MCOLN1: variants seen among roughly 807,000 people sequenced by gnomAD.
MCOLN1 encodes mucolipin TRP cation channel 1.
MCOLN1 carries 50 observed loss-of-function variants against 70.3 expected under a neutral mutation model. The observed-to-expected ratio is 0.71, with a 90% CI of 0.57 to 0.90. The LOEUF is 0.90. Ranked by LOEUF, MCOLN1 falls within the 40% of genes least tolerant of loss-of-function variation. MCOLN1 has a pLI of 0.00. For synonymous variants in MCOLN1, 366 were observed against 341.0 expected (o/e 1.07, Z -0.81); for missense variants, 598 against 803.5 (o/e 0.74, Z 3.09).
In MCOLN1 at chr19:7,525,381, C is replaced by T; in HGVS notation, c.237+215C>T. On this transcript the variant is annotated intron_variant, in intron 2 of 13. Transcript: ENST00000264079. The surrounding 1 kb of genome is among the most constrained non-coding windows in gnomAD (Gnocchi z 4.2). Reference sequence around the variant, plus strand: ...TGGTGGCGGGTGCCTGTAATCCCAGCTACTTGGCAGGCTGAGGCAGGAGAA... The same window carrying T: ...TGGTGGCGGGTGCCTGTAATCCCAGTTACTTGGCAGGCTGAGGCAGGAGAA... 2 of 516,940 alleles carry T rather than the reference C, an allele frequency of 3.9e-6. No homozygotes were observed. The highest frequency in any genetic ancestry group is 3.6e-6 in the Non-Finnish European group (1 of 281,252). 32.0% of individuals were successfully genotyped at this position (516,940 alleles called of 1,614,324 possible).
In MCOLN1 at chr19:7,528,456, C is replaced by T; in HGVS notation, c.878-141C>T. 1.7e-6 allele frequency: 2 copies of T among 1,148,570 alleles called. No individual in the cohort carries two copies. The highest frequency in any genetic ancestry group is 2.5e-6 in the Non-Finnish European group (2 of 795,176). 71.1% of individuals were successfully genotyped at this position (1,148,570 alleles called of 1,614,324 possible). ...CCAGCACTGACCGGGGTTCTTGACTCACCCCAAGCAAGCCCTGAGCCCACT... is the reference window on the plus strand; with the variant it reads ...CCAGCACTGACCGGGGTTCTTGACTTACCCCAAGCAAGCCCTGAGCCCACT... On this transcript the variant is annotated intron_variant, in intron 7 of 13. Coordinates refer to ENST00000264079, the MANE Select transcript of MCOLN1 (RefSeq NM_020533.3). This position sits in a 1 kb window ranked among gnomAD's most constrained non-coding sequence, Gnocchi z 4.2.
chr19:7,527,735 G>T (rs770838672), intron 5 of MCOLN1, 107 bp downstream of exon 5: 10 of 1,080,178 alleles, frequency 9.3e-6, no homozygotes, highest in Admixed American at 6.8e-5. Flanking sequence ...CCCCCCGCCC[G>T]CGCTGGTGCC....
Position 7,524,617 on chromosome 19 carries a change from A to G in MCOLN1, c.32-344A>G, listed in dbSNP as rs574152253. Among the ~76,000 whole-genome samples, 5 of 152,298 alleles carry G rather than the reference A, an allele frequency of 3.3e-5. No homozygotes were observed. In the South Asian group the frequency reaches 1.0e-3, roughly 32 times the overall value. On this transcript the variant is annotated intron_variant, in intron 1 of 13. Transcript: ENST00000264079. The surrounding 1 kb of genome is among the most constrained non-coding windows in gnomAD (Gnocchi z 4.1). The stretch of plus-strand genomic sequence containing the variant: ...CATTCACCATGGACCAGCCCCTGTG[A>G]TCAATGCTTCATAAGCATCCAGTCC...
chr19:7,529,581 C>G lies in MCOLN1; in HGVS notation c.1237-9C>G, dbSNP rs1312126462. 6 of 1,613,102 alleles carry G rather than the reference C, an allele frequency of 3.7e-6. No homozygotes were observed. Among genetic ancestry groups the G allele is most frequent in the South Asian group, 3.3e-5 (3 of 91,000 alleles). On this transcript the variant is annotated splice_polypyrimidine_tract_variant and intron_variant, in intron 10 of 13. Transcript: ENST00000264079. ...CACCCTCAACGAGGCTCCCTCTGCC[C>G]CAACCCAGATCCTCATCGCCACACT...
Position 7,526,681 on chromosome 19 carries a change from G to A in MCOLN1, c.405+75G>A. The A allele has an allele frequency of 1.2e-6, 2 of 1,600,560 alleles. No individual in the cohort carries two copies. The highest frequency in any genetic ancestry group is 1.7e-6 in the Non-Finnish European group (2 of 1,178,452). ...GGCAGGTGCAGTTGGGCGGGCAGGTGCTGGTGGGCGGGCAGGTGCAGGTGG... is the reference window on the plus strand; with the variant it reads ...GGCAGGTGCAGTTGGGCGGGCAGGTACTGGTGGGCGGGCAGGTGCAGGTGG... On this transcript the variant is annotated intron_variant, in intron 3 of 13. Transcript: ENST00000264079. The surrounding 1 kb of genome is among the most constrained non-coding windows in gnomAD (Gnocchi z 4.6).
chr19:7,527,991 T>C, intron 6 of MCOLN1, 31 bp downstream of exon 6: 1 of 1,587,190 alleles, frequency 6.3e-7, no homozygotes, highest in Non-Finnish European at 8.7e-7. Flanking sequence ...ACAGGGCTCC[T>C]GAGTTCCAGG....
At chr19:7,532,361 T>G (rs1280893624) in intron 12 of MCOLN1, among the ~76,000 whole-genome samples, 1 of 152,160 alleles carries the variant, frequency 6.6e-6, no homozygotes, top group Non-Finnish European at 1.5e-5. Flanking sequence ...GGAGAGCTTC[T>G]AGAATGTTCT....
At chr19:7,527,662 G>C (rs377745876) in intron 5 of MCOLN1, 34 bp downstream of exon 5, 28 of 1,463,090 alleles carry the variant, frequency 1.9e-5, no homozygotes, top group African/African-American at 1.3e-4. Context: ...GGCCCAGGGT[G>C]GGGGAGGCAG....
In MCOLN1 at chr19:7,524,845, TC is replaced by T. The variant is rs1320467068; in HGVS notation, c.32-114del. On this transcript the variant is annotated intron_variant, in intron 1 of 13. Coordinates refer to ENST00000264079, the MANE Select transcript of MCOLN1 (RefSeq NM_020533.3). The surrounding 1 kb of genome is among the most constrained non-coding windows in gnomAD (Gnocchi z 4.1). ...TTTTCTTTAGACCTCTCAGAGCTCTTCCTTGGCAGGAGCATGGGGACATGAA... is the reference window on the plus strand; with the variant it reads ...TTTTCTTTAGACCTCTCAGAGCTCTTCTTGGCAGGAGCATGGGGACATGAA... The T allele has an allele frequency of 2.8e-5, 24 of 847,234 alleles. No homozygotes were observed. The highest frequency in any genetic ancestry group is 2.0e-6 in the Non-Finnish European group (1 of 509,196). The allele number at this position is 847,234 out of a possible 1,614,324, so 52.5% of individuals were successfully genotyped here. A position where few individuals can be genotyped will look rare whatever the true frequency, so the allele number is the denominator to read the frequency against.
Position 7,524,037 on chromosome 19 carries a change from TG to T in MCOLN1, c.32-923del, listed in dbSNP as rs985515883. On this transcript the variant is annotated intron_variant, in intron 1 of 13. Transcript: ENST00000264079. The surrounding 1 kb of genome is among the most constrained non-coding windows in gnomAD (Gnocchi z 4.1). ...GTCACACCTGACTATTTAAAAAAAA[TG>T]TTTTTTTTTTGTAGACAGGGAGGTC... Among the ~76,000 whole-genome samples, 16 of 151,900 alleles carry T rather than the reference TG, an allele frequency of 1.1e-4. No homozygotes were observed. The highest frequency in any genetic ancestry group is 1.9e-4 in the Non-Finnish European group (13 of 67,950).
Position 7,529,667 on chromosome 19 carries a change from C to A in MCOLN1, c.1314C>A (p.Gly438=), listed in dbSNP as rs2022626298. Residue 438 remains glycine, a synonymous_variant, in exon 11 of 14, where the codon GGC becomes GGA. Coordinates refer to ENST00000264079, the MANE Select transcript of MCOLN1 (RefSeq NM_020533.3). The stretch of plus-strand genomic sequence containing the variant: ...GCTGCGTGGCTGTCATCTACCTGGG[C>A]TACTGCTTCTGTGGCTGGATCGTGC... ...FCCCVAVIYL[G]YCFCGWIVLG... The A allele has an allele frequency of 6.2e-7, 1 of 1,614,204 alleles. No homozygotes were observed.
chr19:7,529,531 C>A, intron 10 of MCOLN1, 59 bp from the exon 11 acceptor site: 1 of 924,618 alleles, frequency 1.1e-6, no homozygotes, highest in Non-Finnish European at 1.6e-6. Context: ...ATCTGGGTGC[C>A]CACAGCTGAC....
At chr19:7,533,252 G>T in intron 12 of MCOLN1, 1 of 574,400 alleles carries the variant, frequency 1.7e-6, no homozygotes, top group Non-Finnish European at 3.1e-6. Flanking sequence ...TCGAGGTCAT[G>T]TCAGCCCTGG....
intron 11 of MCOLN1, among the ~76,000 whole-genome samples, 189 bp downstream of exon 11, chr19:7,529,901 T>C (rs1203625757): frequency 6.6e-6 from 1 of 152,190 alleles, no homozygotes; most frequent in Non-Finnish European, 1.5e-5. Context: ...CGACCTGAAT[T>C]ACTCCCCTCC....
At chr19:7,529,512 C>CCCCCCCCCCCCTTGGGGG in intron 10 of MCOLN1, 78 bp from the exon 11 acceptor site, 3 of 992,994 alleles carry the variant, frequency 3.0e-6, no homozygotes, top group Admixed American at 3.8e-5. Flanking sequence ...CCCCGCCCCT[C>CCCCCCCCCCCCTTGGGGG]CCACCCCCAT....
chr19:7,527,396 T>A (rs2146023329), intron 4 of MCOLN1, 124 bp from the exon 5 acceptor site: 1 of 730,918 alleles, frequency 1.4e-6, no homozygotes, highest in South Asian at 1.5e-5. Context: ...GCCCAGAGAG[T>A]GCCAGGCCTG....
chr19:7,527,382 G>A (rs780223304), intron 4 of MCOLN1, 138 bp from the exon 5 acceptor site: 157 of 685,990 alleles, frequency 2.3e-4, no homozygotes, highest in Non-Finnish European at 3.5e-4. Flanking sequence ...TAAAACATCC[G>A]CAGGCCCAGA....
At chr19:7,530,567 CT>C in intron 12 of MCOLN1, 66 bp downstream of exon 12, 1 of 1,382,746 alleles carries the variant, frequency 7.2e-7, no homozygotes. Context: ...ATGAGGGGGT[CT>C]TGGGGACACC....
In MCOLN1 at chr19:7,530,336, G is replaced by T. The variant is rs748976085; in HGVS notation, c.1410G>T (p.Gly470=). Residue 470 remains glycine, a synonymous_variant, in exon 12 of 14, where the codon GGG becomes GGT. Transcript: ENST00000264079. ...VSECLFSLIN[G]DDMFVTFAAM... is the part of the protein sequence containing the mutation. ...AGTGCCTGTTCTCGCTCATCAATGGGGACGACATGTTTGTGACGTTCGCCG... is the reference window on the plus strand; with the variant it reads ...AGTGCCTGTTCTCGCTCATCAATGGTGACGACATGTTTGTGACGTTCGCCG... 2.5e-6 allele frequency: 4 copies of T among 1,613,760 alleles called. No homozygotes were observed. The East Asian group carries it at 8.9e-5, about 36-fold the overall frequency.
Sources: gnomAD v4.1 joint callset for allele counts (sites outside exome capture counted in the v4.1 genomes callset) on GRCh38, gnomAD v4.1.1 for gene constraint, Gnocchi (gnomAD v3.1) non-coding constraint, MANE v1.5 for transcripts, NCBI Gene and HGNC (gene_info 2026-07-23, HGNC 2026-07-21) for gene names.